GRIK4: variants seen among roughly 807,000 people sequenced by gnomAD.
The protein encoded by GRIK4 is glutamate ionotropic receptor kainate type subunit 4, also known as glutamate receptor ionotropic, kainate 4.
In GRIK4, 40 loss-of-function variants were observed where a neutral mutation model predicts 104.9. The observed-to-expected ratio is 0.38, with a 90% CI of 0.30 to 0.50. GRIK4 has a LOEUF of 0.50. Among genes scored for constraint, GRIK4 ranks in the 20% least tolerant of loss-of-function variants. GRIK4 has a pLI of 0.93. For synonymous variants in GRIK4, 485 were observed against 524.9 expected (o/e 0.92, Z 1.04); for missense variants, 1,047 against 1,308.1 (o/e 0.80, Z 3.08).
At chr11:120,825,546 C>T (rs1342585622) in intron 6 of GRIK4, among the ~76,000 whole-genome samples, 1 of 152,216 alleles carries the variant, frequency 6.6e-6, no homozygotes, top group Admixed American at 6.5e-5. Context: ...CGGGCTTTGT[C>T]CTCCTACCAG....
chr11:120,856,255 T>A (rs1954102473), intron 8 of GRIK4, among the ~76,000 whole-genome samples: 1 of 152,222 alleles, frequency 6.6e-6, no homozygotes, highest in Admixed American at 6.5e-5. Context: ...AAACCAGGAC[T>A]GTCTTATTTC....
At chr11:120,949,353 T>G (rs1457165720) in intron 14 of GRIK4, among the ~76,000 whole-genome samples, 1 of 152,192 alleles carries the variant, frequency 6.6e-6, no homozygotes, top group Non-Finnish European at 1.5e-5. Context: ...ACAGTCCAAA[T>G]GTCAAGGGAG....
chr11:120,919,581 G>A (rs7117198), intron 13 of GRIK4, among the ~76,000 whole-genome samples: 2,923 of 152,274 alleles, frequency 0.019, 78 homozygotes, highest in African/African-American at 0.067. Flanking sequence ...AGGTGGTGCT[G>A]ATTCGAGCTT....
At chr11:120,777,542 A>G (rs1952067314) in intron 3 of GRIK4, among the ~76,000 whole-genome samples, 1 of 152,250 alleles carries the variant, frequency 6.6e-6, no homozygotes, top group African/African-American at 2.4e-5. Flanking sequence ...AGTAAACAAA[A>G]CAGACACAAT....
intron 3 of GRIK4, among the ~76,000 whole-genome samples, chr11:120,677,644 C>T (rs11603586): frequency 0.16 from 23,707 of 152,092 alleles, 2,010 homozygotes; most frequent in South Asian, 0.23. Context: ...AACTAGAGGG[C>T]GATACGAAAT....
chr11:120,615,645 A>G (rs916703712), intron 1 of GRIK4, among the ~76,000 whole-genome samples: 3 of 152,118 alleles, frequency 2.0e-5, no homozygotes, highest in Non-Finnish European at 4.4e-5. Flanking sequence ...TCAGTAATGC[A>G]TTCTACCTAC....
chr11:120,693,208 G>A (rs576358561), intron 3 of GRIK4, among the ~76,000 whole-genome samples: 153 of 150,568 alleles, frequency 1.0e-3, no homozygotes, highest in African/African-American at 3.1e-3. Context: ...AGGTTCAAGC[G>A]ACTCTCCTGC....
intron 19 of GRIK4, among the ~76,000 whole-genome samples, chr11:120,980,705 C>A (rs1434848999): frequency 6.6e-6 from 1 of 152,168 alleles, no homozygotes; most frequent in Non-Finnish European, 1.5e-5. Context: ...AGGATTCCCA[C>A]ATTCACACAG....
At chr11:120,750,205 G>C (rs763270932) in intron 3 of GRIK4, among the ~76,000 whole-genome samples, 34 of 152,026 alleles carry the variant, frequency 2.2e-4, no homozygotes, top group Non-Finnish European at 4.4e-4. Context: ...TTAAGCCTGA[G>C]TGCCAAGTGT....
chr11:120,527,313 G>C (rs923245001), intron 1 of GRIK4, among the ~76,000 whole-genome samples: 10 of 152,238 alleles, frequency 6.6e-5, no homozygotes, highest in African/African-American at 2.4e-4. Context: ...GATGCTTCCA[G>C]AGTGGGAGGA....
At chr11:120,898,846 G>T (rs533377152) in intron 12 of GRIK4, among the ~76,000 whole-genome samples, 1 of 152,336 alleles carries the variant, frequency 6.6e-6, no homozygotes, top group Admixed American at 6.5e-5. Context: ...GAGGGTTGGG[G>T]TGGAGAGACA....
At chr11:120,583,890 C>G (rs1424348384) in intron 1 of GRIK4, among the ~76,000 whole-genome samples, 1 of 152,110 alleles carries the variant, frequency 6.6e-6, no homozygotes, top group Non-Finnish European at 1.5e-5. Flanking sequence ...TGATATCTTT[C>G]AGCAGTGTTT....
chr11:120,539,248 A>G (rs1948008063), intron 1 of GRIK4, among the ~76,000 whole-genome samples: 1 of 152,188 alleles, frequency 6.6e-6, no homozygotes, highest in Non-Finnish European at 1.5e-5. Context: ...CTGTTACCCA[A>G]CTTGTGTTTC....
At chr11:120,753,297 C>CTGTGTGTGTGTGTGTGTG (rs57423619) in intron 3 of GRIK4, among the ~76,000 whole-genome samples, 1 of 130,202 alleles carries the variant, frequency 7.7e-6, no homozygotes, top group Non-Finnish European at 1.6e-5. Context: ...CAACACAACT[C>CTGTGTGTGTGTGTGTGTG]TGTGTGTGTG....
Position 120,787,852 on chromosome 11 carries a change from C to CTTTTTT in GRIK4, c.83-14817_83-14812dup, listed in dbSNP as rs58523604. Among the ~76,000 whole-genome samples, 214 of 77,094 alleles carry CTTTTTT rather than the reference C, an allele frequency of 2.8e-3. 21 individuals are homozygous for CTTTTTT. Among genetic ancestry groups the CTTTTTT allele is most frequent in the African/African-American group, 5.0e-3 (81 of 16,210 alleles). The allele number at this position is 77,094 out of a possible 152,430, so 50.6% of individuals were successfully genotyped here. A position where few individuals can be genotyped will look rare whatever the true frequency, so the allele number is the denominator to read the frequency against. On this transcript the variant is annotated intron_variant, in intron 3 of 20. Transcript: ENST00000527524. The stretch of plus-strand genomic sequence containing the variant: ...TTTCTTCTCTTTTTTCTTTTCTTTT[C>CTTTTTT]TTTTTTTTTTTTTTTTTTTTTTTTT...
rs541913285 is a variant in GRIK4 at position 120,559,002 on chromosome 11, T to C, written c.-159+47115T>C. ...TGCTGTGTTTATTCTTCCCGTCATC[T>C]TCCCTGGCAGCAAGTGACCAGAGCT... On this transcript the variant is annotated intron_variant, in intron 1 of 20. Coordinates refer to ENST00000527524, the MANE Select transcript of GRIK4 (RefSeq NM_014619.5). 2.0e-5 allele frequency among the ~76,000 whole-genome samples: 3 copies of C among 152,354 alleles called. No homozygotes were observed. In the South Asian group the frequency reaches 6.2e-4, roughly 32 times the overall value.
intron 1 of GRIK4, among the ~76,000 whole-genome samples, chr11:120,542,577 A>G (rs947385546): frequency 5.3e-5 from 8 of 152,260 alleles, no homozygotes; most frequent in African/African-American, 1.9e-4. Flanking sequence ...TTAACATCCA[A>G]AATATATAAG....
rs539833846 is a variant in GRIK4 at position 120,798,157 on chromosome 11, C to CTTTTTTT, written c.83-4517_83-4511dup. Among the ~76,000 whole-genome samples the CTTTTTTT allele has an allele frequency of 5.4e-4, 37 of 68,116 alleles. 3 individuals are homozygous for CTTTTTTT. Among genetic ancestry groups the CTTTTTTT allele is most frequent in the African/African-American group, 1.3e-3 (26 of 20,536 alleles). The allele number at this position is 68,116 out of a possible 152,430, so 44.7% of individuals were successfully genotyped here. A position where few individuals can be genotyped will look rare whatever the true frequency, so the allele number is the denominator to read the frequency against. Reference sequence around the variant, plus strand: ...AAAAAGAGAGTGAGCTCTGCTGTCTCTTTTTTTTTTTTTTTTTTTTTTTTT... The same window carrying CTTTTTTT: ...AAAAAGAGAGTGAGCTCTGCTGTCTCTTTTTTTTTTTTTTTTTTTTTTTTTTTTTTTT... On this transcript the variant is annotated intron_variant, in intron 3 of 20. Transcript: ENST00000527524.
chr11:120,674,590 C>T (rs544468539), intron 3 of GRIK4, among the ~76,000 whole-genome samples: 1 of 152,334 alleles, frequency 6.6e-6, no homozygotes, highest in East Asian at 1.9e-4. Flanking sequence ...CTGTGTTGTT[C>T]CCATCCTTTC....
Sources: allele counts gnomAD v4.1 joint callset (sites outside exome capture counted in the v4.1 genomes callset), GRCh38; gene constraint gnomAD v4.1.1; transcripts MANE v1.5; gene names NCBI Gene and HGNC (gene_info 2026-07-23, HGNC 2026-07-21).